ATL3: variants seen among roughly 807,000 people sequenced by gnomAD.
ATL3 encodes the protein atlastin GTPase 3.
A neutral mutation model predicts 69.5 loss-of-function variants in ATL3; 49 were observed. That is an observed-to-expected ratio of 0.71 (90% CI 0.56 to 0.89). The LOEUF is 0.89. Among genes scored for constraint, ATL3 ranks in the 40% least tolerant of loss-of-function variants. The probability of loss-of-function intolerance (pLI) is 0.00; values close to 1 mark genes in which losing one functional copy is unlikely to be tolerated. For missense variants in ATL3, 606 were observed against 645.7 expected (o/e 0.94, Z 0.67); for synonymous variants, 214 against 224.1 (o/e 0.95, Z 0.40).
chr11:63,632,828 AAAC>A (rs921795304), intron 11 of ATL3, 195 bp downstream of exon 11: 2 of 754,190 alleles, frequency 2.7e-6, no homozygotes, highest in Non-Finnish European at 4.4e-6. Context: ...ATTCAAAACA[AAAC>A]AAAACAAAAC....
Position 63,651,916 on chromosome 11 carries a change from T to C in ATL3, c.561+20A>G. 2 of 1,580,678 alleles carry C rather than the reference T, an allele frequency of 1.3e-6. No individual in the cohort carries two copies. The highest frequency in any genetic ancestry group is 1.2e-5 in the South Asian group (1 of 84,382). On this transcript the variant is annotated intron_variant, in intron 5 of 12. Coordinates refer to ENST00000398868, the MANE Select transcript of ATL3 (RefSeq NM_015459.5). ...ACTTTTAAATAATATGATGTTAAAA[T>C]TGTTATGAGAAATATATACCTGCAG...
rs191990867 is a variant in ATL3 at position 63,658,285 on chromosome 11, T to C, written c.405+476A>G. Among the ~76,000 whole-genome samples, 221 of 152,304 alleles carry C rather than the reference T, an allele frequency of 1.5e-3. 1 individual carries two copies. Among genetic ancestry groups the C allele is most frequent in the Non-Finnish European group, 2.7e-3 (186 of 68,028 alleles). ...GATATACACACACCCACAAAAATAGTGTGTGAAGGAAAGCTGTCATACACA... is the reference window on the plus strand; with the variant it reads ...GATATACACACACCCACAAAAATAGCGTGTGAAGGAAAGCTGTCATACACA... On this transcript the variant is annotated intron_variant, in intron 3 of 12. Coordinates refer to ENST00000398868, the MANE Select transcript of ATL3 (RefSeq NM_015459.5).
At chr11:63,630,012 G>A (rs921731166) in intron 12 of ATL3, among the ~76,000 whole-genome samples, 1 of 151,990 alleles carries the variant, frequency 6.6e-6, no homozygotes, top group Non-Finnish European at 1.5e-5. Flanking sequence ...AACATTTTTC[G>A]TTAAGTTCAT....
intron 11 of ATL3, 159 bp downstream of exon 11, chr11:63,632,867 T>C: frequency 1.3e-6 from 1 of 769,030 alleles, no homozygotes; most frequent in Non-Finnish European, 2.1e-6. Flanking sequence ...AACAAAGAAA[T>C]GGTAATAATT....
At chr11:63,669,333 A>G (rs532416903) in intron 1 of ATL3, among the ~76,000 whole-genome samples, 3 of 151,164 alleles carry the variant, frequency 2.0e-5, no homozygotes, top group Middle Eastern at 3.6e-3. Context: ...TCAGGAGTTC[A>G]AGATCAGCCT....
chr11:63,642,437 A>T (rs1222505284), intron 8 of ATL3, among the ~76,000 whole-genome samples: 1 of 152,214 alleles, frequency 6.6e-6, no homozygotes, highest in Non-Finnish European at 1.5e-5. Flanking sequence ...ATTTAATATG[A>T]GGCTATGAAA....
At position 63,631,090 on chromosome 11, in the gene ATL3, G is replaced by A. The variant is rs373239913; in HGVS notation, c.1489C>T (p.Arg497Cys). 13 of 1,614,054 alleles carry A rather than the reference G, an allele frequency of 8.1e-6. No homozygotes were observed. Among genetic ancestry groups the A allele is most frequent in the African/African-American group, 5.3e-5 (4 of 75,008 alleles). ...AAATCAATAGCTCCGCCCAGCTCAC[G>A]ATATTGACCAGAATACCTGATGTAG... ...WGYIRYSGQYRELGGAIDFGA... is the reference protein window; with the variant it reads ...WGYIRYSGQYCELGGAIDFGA... The change falls in exon 12 of 13, where the codon CGT (arginine) becomes TGT (cysteine). Residue 497 changes from arginine to cysteine, a missense_variant. Physicochemically the swap from Arg to Cys is radical, Grantham distance 180. Coordinates refer to ENST00000398868, the MANE Select transcript of ATL3 (RefSeq NM_015459.5).
At chr11:63,671,186 G>A in intron 1 of ATL3, 104 bp downstream of exon 1, 1 of 1,448,230 alleles carries the variant, frequency 6.9e-7, no homozygotes, top group Non-Finnish European at 9.1e-7. Context: ...CCCAGCCCCG[G>A]GACGAGGAAG....
chr11:63,655,962 C>T (rs112018180), intron 3 of ATL3, among the ~76,000 whole-genome samples: 2,716 of 152,192 alleles, frequency 0.018, 75 homozygotes, highest in African/African-American at 0.062. Context: ...CAGTGGCTCA[C>T]GCCTATAATC....
intron 1 of ATL3, among the ~76,000 whole-genome samples, chr11:63,667,334 A>AT (rs113726146): frequency 0.015 from 2,249 of 145,648 alleles, 21 homozygotes; most frequent in Admixed American, 0.017. Flanking sequence ...ATTAGAAAGC[A>AT]TTTTTTTTTT....
chr11:63,634,035 A>G (rs1318414556), intron 10 of ATL3, among the ~76,000 whole-genome samples: 1 of 135,818 alleles, frequency 7.4e-6, no homozygotes, highest in African/African-American at 2.9e-5. Context: ...ACTCTGTCTC[A>G]AACAAAAAAA....
intron 12 of ATL3, among the ~76,000 whole-genome samples, chr11:63,629,716 T>C (rs1939241735): frequency 6.6e-6 from 1 of 152,160 alleles, no homozygotes; most frequent in Non-Finnish European, 1.5e-5. Flanking sequence ...CTTGTGACCA[T>C]GTCAATGTCC....
intron 5 of ATL3, chr11:63,650,648 A>T (rs1033635650): frequency 6.6e-6 from 1 of 152,194 alleles, no homozygotes; most frequent in Non-Finnish European, 1.5e-5. Context: ...TATGGGTTGA[A>T]TTGTGTCCTG....
intron 8 of ATL3, among the ~76,000 whole-genome samples, chr11:63,639,857 ACTAT>A (rs1306352198): frequency 2.0e-5 from 3 of 152,172 alleles, no homozygotes; most frequent in Non-Finnish European, 4.4e-5. Context: ...ATGCTACTCC[ACTAT>A]CTTTCTGCAT....
chr11:63,666,652 T>C (rs1940582457), intron 1 of ATL3, among the ~76,000 whole-genome samples: 3 of 146,528 alleles, frequency 2.0e-5, no homozygotes, highest in Non-Finnish European at 4.5e-5. Context: ...TCAAGTGATC[T>C]ATCCACCTCA....
intron 3 of ATL3, among the ~76,000 whole-genome samples, chr11:63,657,464 C>A (rs1195815188): frequency 1.3e-5 from 2 of 152,158 alleles, no homozygotes; most frequent in Non-Finnish European, 2.9e-5. Flanking sequence ...AATGCCATTT[C>A]CCTGCTCAAC....
chr11:63,671,258 G>A (rs1164158288), intron 1 of ATL3, 32 bp downstream of exon 1: 2 of 1,558,948 alleles, frequency 1.3e-6, no homozygotes, highest in Non-Finnish European at 1.7e-6. Flanking sequence ...GGGGGTGGCC[G>A]CGGGGCGATC....
intron 3 of ATL3, among the ~76,000 whole-genome samples, chr11:63,656,726 CCT>C (rs1940262972): frequency 6.8e-6 from 1 of 147,084 alleles, no homozygotes; most frequent in Non-Finnish European, 1.5e-5. Flanking sequence ...AGAGAGACTC[CCT>C]CTCAAAAAAA....
At chr11:63,643,260 T>C (rs2134487813) in intron 8 of ATL3, 97 bp downstream of exon 8, 1 of 1,310,300 alleles carries the variant, frequency 7.6e-7, no homozygotes, top group East Asian at 2.4e-5. Context: ...TAAGAGAGCA[T>C]ACCATTTTTC....
Sources: allele counts gnomAD v4.1 joint callset (sites outside exome capture counted in the v4.1 genomes callset), GRCh38; gene constraint gnomAD v4.1.1; transcripts MANE v1.5; gene names NCBI Gene and HGNC (gene_info 2026-07-23, HGNC 2026-07-21).